The following PTPRG variants were observed in gnomAD, a reference collection of about 807,000 sequenced individuals.
PTPRG encodes receptor-type tyrosine-protein phosphatase gamma.
A neutral mutation model predicts 165.3 loss-of-function variants in PTPRG; 102 were observed. The observed-to-expected ratio is 0.62, with a 90% CI of 0.53 to 0.73. The LOEUF (loss-of-function observed/expected upper bound fraction) is 0.73. PTPRG is among the 30% of genes least tolerant of loss of function. The pLI, the probability that PTPRG is intolerant of heterozygous loss-of-function variation, is 0.00. For missense variants in PTPRG, 1,866 were observed against 1,861.4 expected (o/e 1.00, Z -0.05); for synonymous variants, 675 against 669.5 (o/e 1.01, Z -0.13).
chr3:61,735,437 T>A (rs1471323461), intron 1 of PTPRG, among the ~76,000 whole-genome samples: 4 of 151,822 alleles, frequency 2.6e-5, no homozygotes, highest in Non-Finnish European at 5.9e-5. Context: ...CTAATAAAAA[T>A]GGAGATAACA....
chr3:62,208,016 A>C (rs1230229360), intron 12 of PTPRG, among the ~76,000 whole-genome samples: 2 of 152,248 alleles, frequency 1.3e-5, no homozygotes, highest in East Asian at 3.8e-4. Flanking sequence ...AAGTAAGCTC[A>C]AATTTTTAAA....
intron 1 of PTPRG, among the ~76,000 whole-genome samples, chr3:61,669,751 T>C (rs1304786222): frequency 6.6e-6 from 1 of 152,192 alleles, no homozygotes; most frequent in Non-Finnish European, 1.5e-5. Context: ...AAGTCAGTTG[T>C]ACTTGAGACA....
At chr3:61,882,193 G>T (rs1322958841) in intron 2 of PTPRG, among the ~76,000 whole-genome samples, 3 of 152,202 alleles carry the variant, frequency 2.0e-5, no homozygotes, top group African/African-American at 7.2e-5. Flanking sequence ...TAGTTAAAGA[G>T]TATTGGGGTA....
chr3:62,249,984 C>G (rs1003700525), intron 15 of PTPRG, among the ~76,000 whole-genome samples: 1 of 152,160 alleles, frequency 6.6e-6, no homozygotes, highest in Non-Finnish European at 1.5e-5. Context: ...AGATTAATCA[C>G]AGCACCTAGA....
Position 61,675,013 on chromosome 3 carries a change from T to C in PTPRG, c.86-73865T>C, listed in dbSNP as rs1703174499. ...AACAGGAGACATTCAGTGCTGATTG[T>C]TGAATCAACAAAGCAAGAAACAGCC... On this transcript the variant is annotated intron_variant, in intron 1 of 29. Transcript: ENST00000474889. 2.6e-5 allele frequency among the ~76,000 whole-genome samples: 4 copies of C among 152,228 alleles called. No homozygotes were observed. The South Asian group carries it at 8.3e-4, about 32-fold the overall frequency.
intron 6 of PTPRG, among the ~76,000 whole-genome samples, chr3:62,154,971 A>G (rs1559576724): frequency 6.6e-6 from 1 of 152,326 alleles, no homozygotes; most frequent in East Asian, 1.9e-4. Flanking sequence ...GCAAAGGCCA[A>G]AATATTTTCT....
intron 2 of PTPRG, among the ~76,000 whole-genome samples, chr3:61,825,362 A>T (rs1436363034): frequency 6.6e-6 from 1 of 152,202 alleles, no homozygotes; most frequent in Non-Finnish European, 1.5e-5. Context: ...ACTACAGAAA[A>T]ATGCAAATAA....
chr3:61,857,600 C>T (rs1575727357), intron 2 of PTPRG, among the ~76,000 whole-genome samples: 1 of 152,112 alleles, frequency 6.6e-6, no homozygotes, highest in East Asian at 1.9e-4. Context: ...AGCCTGGGGA[C>T]CAATCACAAA....
At chr3:62,022,775 C>T (rs879701401) in intron 4 of PTPRG, among the ~76,000 whole-genome samples, 1 of 152,108 alleles carries the variant, frequency 6.6e-6, no homozygotes, top group Non-Finnish European at 1.5e-5. Context: ...AAACCTACTG[C>T]CCCTTGCATT....
intron 5 of PTPRG, among the ~76,000 whole-genome samples, chr3:62,123,707 C>A (rs1439438868): frequency 6.6e-6 from 1 of 152,036 alleles, no homozygotes. Context: ...TACAAGAAAA[C>A]TCTAATTAAA....
intron 1 of PTPRG, among the ~76,000 whole-genome samples, chr3:61,670,919 T>C (rs1702960529): frequency 6.6e-6 from 1 of 151,958 alleles, no homozygotes; most frequent in Non-Finnish European, 1.5e-5. Flanking sequence ...GGGTGGGGAG[T>C]GTGACGTAGA....
chr3:62,173,458 A>G (rs1423280001), intron 8 of PTPRG, among the ~76,000 whole-genome samples: 1 of 152,228 alleles, frequency 6.6e-6, no homozygotes, highest in Non-Finnish European at 1.5e-5. Context: ...TTGGGACTGT[A>G]GTTTACTGAC....
intron 1 of PTPRG, among the ~76,000 whole-genome samples, chr3:61,580,537 A>C (rs1342031774): frequency 3.3e-5 from 5 of 152,032 alleles, no homozygotes; most frequent in East Asian, 3.9e-4. Flanking sequence ...GCGTTTCACC[A>C]TGTGGGCCAG....
rs557924366 is a variant in PTPRG, at chr3:62,285,259, T to C, written c.4055+2390T>C. ...GGTAACTTACAAACTATTAAGTATA[T>C]GTACCCCTATAACAAATTGTCCCCA... On this transcript the variant is annotated intron_variant, in intron 28 of 29. Coordinates refer to ENST00000474889, the MANE Select transcript of PTPRG (RefSeq NM_002841.4). Among the ~76,000 whole-genome samples, 59 of 152,242 alleles carry C rather than the reference T, an allele frequency of 3.9e-4. No homozygotes were observed. The South Asian group carries it at 4.4e-3, about 11-fold the overall frequency.
intron 1 of PTPRG, among the ~76,000 whole-genome samples, chr3:61,709,130 GT>G (rs2031420652): frequency 6.6e-6 from 1 of 152,150 alleles, no homozygotes; most frequent in Non-Finnish European, 1.5e-5. Context: ...CAGAGGTATT[GT>G]TGTCTCCATT....
chr3:61,970,897 CCAT>C (rs753188868), intron 2 of PTPRG, among the ~76,000 whole-genome samples: 28 of 152,066 alleles, frequency 1.8e-4, no homozygotes, highest in Non-Finnish European at 7.4e-5. Flanking sequence ...CCAAGTGAGT[CCAT>C]ATATGGAAAG....
chr3:62,033,381 T>G (rs1362880766), intron 4 of PTPRG, among the ~76,000 whole-genome samples: 1 of 123,748 alleles, frequency 8.1e-6, no homozygotes, highest in African/African-American at 3.4e-5. Flanking sequence ...TTTTTTTTTT[T>G]GAGACAGGGT....
intron 13 of PTPRG, among the ~76,000 whole-genome samples, chr3:62,220,041 A>G (rs1397670225): frequency 2.0e-5 from 3 of 152,222 alleles, no homozygotes; most frequent in African/African-American, 7.2e-5. Flanking sequence ...GAGGGAACCA[A>G]ATGGGCTCCA....
intron 8 of PTPRG, among the ~76,000 whole-genome samples, chr3:62,173,552 G>A (rs559320678): frequency 6.6e-6 from 1 of 152,276 alleles, no homozygotes; most frequent in East Asian, 1.9e-4. Context: ...CATATTTTCT[G>A]TCTTCAAGGT....
Sources: gnomAD v4.1 joint callset for allele counts (sites outside exome capture counted in the v4.1 genomes callset) on GRCh38, gnomAD v4.1.1 for gene constraint, MANE v1.5 for transcripts, NCBI Gene and HGNC (gene_info 2026-07-23, HGNC 2026-07-21) for gene names.